Variants in BOLL observed in about 807,000 individuals in gnomAD.
BOLL encodes the protein protein boule-like.
Under a neutral mutation model 44.4 loss-of-function variants are expected in BOLL, and 23 were observed. The ratio of observed to expected loss-of-function variants is 0.52; its 90% CI spans 0.37 to 0.73. BOLL has a LOEUF of 0.73. BOLL is among the 30% of genes least tolerant of loss of function. BOLL has a pLI of 0.00. For synonymous variants in BOLL, 97 were observed against 110.8 expected, an observed-to-expected ratio of 0.88 and a Z score of 0.78; for missense variants, 287 against 338.3, an observed-to-expected ratio of 0.85 and a Z score of 1.19.
intron 7 of BOLL, among the ~76,000 whole-genome samples, chr2:197,760,477 G>A (rs1286564578): frequency 1.3e-5 from 2 of 152,206 alleles, no homozygotes; most frequent in African/African-American, 2.4e-5. Context: ...GCCTCTGGTG[G>A]GCACTCCTCC....
At chr2:197,764,231 T>C (rs943370327) in intron 7 of BOLL, among the ~76,000 whole-genome samples, 4 of 152,320 alleles carry the variant, frequency 2.6e-5, no homozygotes, top group Admixed American at 1.3e-4. Flanking sequence ...GAGAGACATC[T>C]GCACCCCCAT....
chr2:197,751,414 GAA>G (rs2106340708), intron 9 of BOLL, among the ~76,000 whole-genome samples: 1 of 152,058 alleles, frequency 6.6e-6, no homozygotes, highest in Non-Finnish European at 1.5e-5. Flanking sequence ...GGATAAAGAA[GAA>G]AAGAGAGAAG....
intron 9 of BOLL, among the ~76,000 whole-genome samples, chr2:197,748,669 C>T (rs184983945): frequency 3.0e-4 from 45 of 152,374 alleles, no homozygotes; most frequent in African/African-American, 1.1e-3. Flanking sequence ...CCACTGTAGC[C>T]AGACTGCCTT....
intron 2 of BOLL, among the ~76,000 whole-genome samples, chr2:197,780,835 G>C (rs955704112): frequency 1.3e-5 from 2 of 151,658 alleles, no homozygotes; most frequent in African/African-American, 4.8e-5. Context: ...ATGTAAAATA[G>C]AAGCTTGGAA....
chr2:197,783,290 A>G (rs1689889523), intron 1 of BOLL, among the ~76,000 whole-genome samples: 1 of 152,208 alleles, frequency 6.6e-6, no homozygotes, highest in Admixed American at 6.5e-5. Context: ...CCCCATCTCA[A>G]AAAGAAAGAA....
upstream of BOLL, chr2:197,785,982 C>A (rs780062066): frequency 1.2e-6 from 2 of 1,608,894 alleles, no homozygotes; most frequent in Non-Finnish European, 1.7e-6. This position sits in a 1 kb window ranked among gnomAD's most constrained non-coding sequence, Gnocchi z 6.7. Flanking sequence ...GCCGTACTCA[C>A]CGGCCCGGAC....
intron 6 of BOLL, 85 bp downstream of exon 6, chr2:197,771,770 G>A (rs1234392700): frequency 9.0e-6 from 12 of 1,337,356 alleles, no homozygotes; most frequent in Non-Finnish European, 1.2e-5. Flanking sequence ...GTAATTATCT[G>A]TGGTTAAGAT....
At chr2:197,732,341 C>A (rs1331624566) in intron 10 of BOLL, among the ~76,000 whole-genome samples, 1 of 152,062 alleles carries the variant, frequency 6.6e-6, no homozygotes, top group African/African-American at 2.4e-5. Context: ...CAAAAAGAGT[C>A]CAGGACCAGA....
chr2:197,734,308 AAAC>A, intron 10 of BOLL, among the ~76,000 whole-genome samples: 1 of 152,122 alleles, frequency 6.6e-6, no homozygotes, highest in African/African-American at 2.4e-5. Flanking sequence ...AAAAGTCAGG[AAAC>A]AACAGGTGCT....
chr2:197,727,141 T>C lies in BOLL; in HGVS notation c.*1414A>G, dbSNP rs1319797733. The C allele has an allele frequency of 6.6e-6, 1 of 152,368 alleles. No individual in the cohort carries two copies. Among genetic ancestry groups the C allele is most frequent in the African/African-American group, 2.4e-5 (1 of 41,458 alleles). The allele number at this position is 152,368 out of a possible 1,614,324, so 9.4% of individuals were successfully genotyped here. On this transcript the variant is annotated 3_prime_UTR_variant, in exon 11 of 11. Transcript: ENST00000392296. The stretch of plus-strand genomic sequence containing the variant: ...TATTTGAGATCCTTGTATGCTAGTA[T>C]ACATTCATAAGGTTCTACTGTTCTC...
chr2:197,728,722 T>C (rs1341393965), intron 10 of BOLL, 144 bp from the exon 11 acceptor site: 1 of 577,932 alleles, frequency 1.7e-6, no homozygotes, highest in African/African-American at 3.6e-5. Flanking sequence ...TGTTACAAAG[T>C]GAGAGGCTAG....
rs543966926 is a variant in BOLL, at chr2:197,775,964, T to C, written c.277-224A>G. ...TAATACAGTCAATCCTCATTACTCATGGATTCTGTATTTGTGAATTTGCCT... is the reference window on the plus strand; with the variant it reads ...TAATACAGTCAATCCTCATTACTCACGGATTCTGTATTTGTGAATTTGCCT... On this transcript the variant is annotated intron_variant, in intron 4 of 10. Transcript: ENST00000392296. 2.1e-3 allele frequency among the ~76,000 whole-genome samples: 326 copies of C among 152,020 alleles called. 1 individual carries two copies. Among genetic ancestry groups the C allele is most frequent in the African/African-American group, 7.5e-3 (310 of 41,508 alleles).
chr2:197,769,952 T>TC, intron 6 of BOLL, among the ~76,000 whole-genome samples: 1 of 152,082 alleles, frequency 6.6e-6, no homozygotes, highest in Non-Finnish European at 1.5e-5. Flanking sequence ...TTCAATGCCA[T>TC]CCCCATCAAG....
chr2:197,777,790 C>G (rs186688819), intron 3 of BOLL, among the ~76,000 whole-genome samples: 2 of 151,868 alleles, frequency 1.3e-5, no homozygotes, highest in East Asian at 3.9e-4. Context: ...AAAAATGTAT[C>G]TCTCAAAACA....
At chr2:197,750,230 C>A (rs1385627811) in intron 9 of BOLL, among the ~76,000 whole-genome samples, 3 of 152,088 alleles carry the variant, frequency 2.0e-5, no homozygotes, top group Admixed American at 2.0e-4. Flanking sequence ...TATAAGGAAA[C>A]CGCATCAACT....
Position 197,728,508 on chromosome 2 carries a change from C to A in BOLL, c.*47G>T. The A allele has an allele frequency of 6.2e-7, 1 of 1,614,058 alleles. No homozygotes were observed. Among genetic ancestry groups the A allele is most frequent in the Non-Finnish European group, 8.5e-7 (1 of 1,179,972 alleles). ...AGCTGGATCTCGGCCACGCAAGGAT[C>A]ATTGGACAAGAAATCAGTTGAGCTG... On this transcript the variant is annotated 3_prime_UTR_variant, in exon 11 of 11. Transcript: ENST00000392296.
intron 9 of BOLL, among the ~76,000 whole-genome samples, chr2:197,751,841 A>C (rs184462212): frequency 2.4e-3 from 358 of 151,586 alleles, no homozygotes; most frequent in Non-Finnish European, 3.7e-3. Flanking sequence ...AAACCAACAA[A>C]AAAAAAAAAA....
At chr2:197,729,467 C>T (rs1428189770) in intron 10 of BOLL, among the ~76,000 whole-genome samples, 1 of 152,172 alleles carries the variant, frequency 6.6e-6, no homozygotes, top group Admixed American at 6.5e-5. Context: ...CCCAGCACAG[C>T]TCAAGGAGGC....
intron 10 of BOLL, among the ~76,000 whole-genome samples, chr2:197,734,549 G>C (rs549579860): frequency 6.6e-6 from 1 of 152,170 alleles, no homozygotes; most frequent in South Asian, 2.1e-4. Flanking sequence ...GCAAAGACTT[G>C]GAACCAACCC....
Sources: allele counts gnomAD v4.1 joint callset (sites outside exome capture counted in the v4.1 genomes callset), GRCh38; gene constraint gnomAD v4.1.1; non-coding constraint Gnocchi (gnomAD v3.1); transcripts MANE v1.5; gene names NCBI Gene and HGNC (gene_info 2026-07-23, HGNC 2026-07-21).